The following SLC13A1 variants were observed in gnomAD, a reference collection of about 807,000 sequenced individuals.
The protein encoded by SLC13A1 is solute carrier family 13 member 1.
SLC13A1 carries 65 observed loss-of-function variants against 70.0 expected under a neutral mutation model. The ratio of observed to expected loss-of-function variants is 0.93; its 90% CI spans 0.76 to 1.14. The LOEUF (loss-of-function observed/expected upper bound fraction) is 1.14, where lower values mean the gene tolerates loss of function less well. SLC13A1 is among the 50% of genes most tolerant of loss of function. The pLI, the probability that SLC13A1 is intolerant of heterozygous loss-of-function variation, is 0.00. For missense variants in SLC13A1, 726 were observed against 717.8 expected (o/e 1.01, Z -0.13); for synonymous variants, 275 against 250.5 (o/e 1.10, Z -0.92).
chr7:123,163,899 AATTT>A (rs1209348862), intron 6 of SLC13A1, among the ~76,000 whole-genome samples: 11 of 152,006 alleles, frequency 7.2e-5, no homozygotes, highest in African/African-American at 9.7e-5. Flanking sequence ...AATATTACTG[AATTT>A]ATTTATTCAA....
intron 6 of SLC13A1, among the ~76,000 whole-genome samples, chr7:123,157,290 G>A (rs1385782905): frequency 2.0e-5 from 3 of 151,798 alleles, no homozygotes; most frequent in Non-Finnish European, 2.9e-5. Flanking sequence ...TGAAGTTATC[G>A]GTAAGACTCT....
chr7:123,171,356 T>G (rs1231070267), intron 3 of SLC13A1, among the ~76,000 whole-genome samples: 2 of 152,190 alleles, frequency 1.3e-5, no homozygotes, highest in Non-Finnish European at 2.9e-5. Context: ...GTCTTTGTCT[T>G]TGGTTTGTAA....
chr7:123,146,435 C>T (rs2116411228), intron 7 of SLC13A1, among the ~76,000 whole-genome samples: 1 of 152,240 alleles, frequency 6.6e-6, no homozygotes, highest in African/African-American at 2.4e-5. Context: ...TGAGGCACGA[C>T]AATCACTTGG....
chr7:123,124,579 A>G (rs1258479479), intron 11 of SLC13A1, among the ~76,000 whole-genome samples: 3 of 152,160 alleles, frequency 2.0e-5, no homozygotes, highest in Non-Finnish European at 4.4e-5. Context: ...TTTCCAGACA[A>G]TTACAAATTA....
intron 2 of SLC13A1, among the ~76,000 whole-genome samples, chr7:123,178,031 C>CTA (rs926342634): frequency 8.1e-5 from 12 of 148,538 alleles, no homozygotes; most frequent in East Asian, 1.9e-4. Flanking sequence ...CTCTCTCTCT[C>CTA]TCTATATATA....
rs2116315017 is a variant in SLC13A1 at position 123,129,366 on chromosome 7, GTGTGTGTT to G, written c.1031+9_1031+16del. The G allele has an allele frequency of 4.1e-6, 4 of 978,656 alleles. No individual in the cohort carries two copies. Among genetic ancestry groups the G allele is most frequent in the Non-Finnish European group, 6.0e-6 (4 of 666,354 alleles). 60.6% of individuals were successfully genotyped at this position (978,656 alleles called of 1,614,324 possible). ...TGTGTGTGTGTGTGTGTGTGTGTGTGTGTGTGTTTGTCTTACCTTATTGGCCCAAGCTT... is the reference window on the plus strand; with the variant it reads ...TGTGTGTGTGTGTGTGTGTGTGTGTGTGTCTTACCTTATTGGCCCAAGCTT... On this transcript the variant is annotated intron_variant, in intron 9 of 14. Coordinates refer to ENST00000194130, the MANE Select transcript of SLC13A1 (RefSeq NM_022444.4).
chr7:123,190,442 A>G lies in SLC13A1; in HGVS notation c.100-9341T>C, dbSNP rs771154624. 2.9e-4 allele frequency: 112 copies of G among 381,136 alleles called. 2 individuals carry two copies. In the Middle Eastern group the frequency reaches 0.015, roughly 51 times the overall value. The allele number at this position is 381,136 out of a possible 1,614,324, so 23.6% of individuals were successfully genotyped here. A position where few individuals can be genotyped will look rare whatever the true frequency, so the allele number is the denominator to read the frequency against. On this transcript the variant is annotated intron_variant, in intron 1 of 14. Coordinates refer to ENST00000194130, the MANE Select transcript of SLC13A1 (RefSeq NM_022444.4). ...TGTTTAAACTCCCTTTATGAGAGAAATGGCTGGTAACTCACCTGGGCTGAG... is the reference window on the plus strand; with the variant it reads ...TGTTTAAACTCCCTTTATGAGAGAAGTGGCTGGTAACTCACCTGGGCTGAG...
At chr7:123,138,885 T>C (rs1175866634) in intron 7 of SLC13A1, among the ~76,000 whole-genome samples, 1 of 152,172 alleles carries the variant, frequency 6.6e-6, no homozygotes, top group African/African-American at 2.4e-5. Context: ...ATGTTGTTGA[T>C]TGTTTCCTTT....
At position 123,127,892 on chromosome 7, in the gene SLC13A1, CAAGT is replaced by C. The variant is rs148530529; in HGVS notation, c.1133+949_1133+952del. Among the ~76,000 whole-genome samples the C allele has an allele frequency of 2.5e-3, 336 of 136,510 alleles. 1 individual carries two copies. The highest frequency in any genetic ancestry group is 8.9e-3 in the African/African-American group (312 of 35,236). The allele number at this position is 136,510 out of a possible 152,430, so 89.6% of individuals were successfully genotyped here. A position where few individuals can be genotyped will look rare whatever the true frequency, so the allele number is the denominator to read the frequency against. On this transcript the variant is annotated intron_variant, in intron 10 of 14. Coordinates refer to ENST00000194130, the MANE Select transcript of SLC13A1 (RefSeq NM_022444.4). ...GCTGGGGGATTTGAGACAGGAAGTC[CAAGT>C]AAGACATGTGCTGAATTTAGAAATT...
rs1481946372 is a variant in SLC13A1, at chr7:123,169,186, T to C, written c.515A>G (p.Tyr172Cys). The C allele has an allele frequency of 6.2e-7, 1 of 1,614,068 alleles. No homozygotes were observed. The highest frequency in any genetic ancestry group is 8.5e-7 in the Non-Finnish European group (1 of 1,179,974). ...TCCGTGGTTGGTTGATCCGTTGAAG[T>C]AAGTCATCTGAGTGGCCTCGACCTC... ...EAEVEATQMT[Y>C]FNGSTNHGLE... Residue 172 changes from tyrosine (Y) to cysteine (C), a missense_variant, in exon 4 of 15, where the codon TAC becomes TGC. By Grantham distance (194) the Tyr-to-Cys change is radical. Transcript: ENST00000194130.
At chr7:123,191,237 G>C (rs577804734) in intron 1 of SLC13A1, among the ~76,000 whole-genome samples, 2 of 152,094 alleles carry the variant, frequency 1.3e-5, no homozygotes, top group African/African-American at 4.8e-5. Context: ...GGGTAGTATG[G>C]GTGAGGTCTT....
intron 2 of SLC13A1, 149 bp from the exon 3 acceptor site, chr7:123,172,053 C>T: frequency 2.8e-6 from 2 of 708,702 alleles, no homozygotes; most frequent in Middle Eastern, 8.2e-4. Flanking sequence ...TGTTTGAATA[C>T]AAATTTAGAC....
At chr7:123,140,928 ACT>A (rs1794114301) in intron 7 of SLC13A1, among the ~76,000 whole-genome samples, 1 of 151,536 alleles carries the variant, frequency 6.6e-6, no homozygotes, top group Non-Finnish European at 1.5e-5. Flanking sequence ...ACTTAATTCT[ACT>A]CTGATATTTT....
chr7:123,177,217 C>T (rs1465815413), intron 2 of SLC13A1, among the ~76,000 whole-genome samples: 1 of 152,090 alleles, frequency 6.6e-6, no homozygotes, highest in African/African-American at 2.4e-5. Flanking sequence ...GCATCTTTGA[C>T]ACTTTTCTTC....
At chr7:123,190,612 A>G in intron 1 of SLC13A1, 1 of 456,710 alleles carries the variant, frequency 2.2e-6, no homozygotes, top group Non-Finnish European at 4.4e-6. Flanking sequence ...AGTCAGAATA[A>G]GCTGTTGAGC....
intron 2 of SLC13A1, among the ~76,000 whole-genome samples, chr7:123,180,379 T>C (rs1795598482): frequency 6.6e-6 from 1 of 152,148 alleles, no homozygotes; most frequent in Admixed American, 6.6e-5. Flanking sequence ...AGCTGTGGTT[T>C]AGACAGTTGT....
At chr7:123,164,904 ATT>A (rs35310053) in intron 6 of SLC13A1, among the ~76,000 whole-genome samples, 9 of 149,664 alleles carry the variant, frequency 6.0e-5, no homozygotes, top group Non-Finnish European at 1.2e-4. Flanking sequence ...TAATATTTGT[ATT>A]TTTTTTTTGA....
At chr7:123,191,393 A>G in intron 1 of SLC13A1, among the ~76,000 whole-genome samples, 1 of 152,114 alleles carries the variant, frequency 6.6e-6, no homozygotes, top group East Asian at 1.9e-4. Flanking sequence ...CCTGAATGGC[A>G]TGGGAGTGCT....
chr7:123,124,689 CTGTGTGTG>C (rs143632506), intron 11 of SLC13A1, among the ~76,000 whole-genome samples: 1 of 150,134 alleles, frequency 6.7e-6, no homozygotes, highest in Non-Finnish European at 1.5e-5. Flanking sequence ...GTGTGTGTGT[CTGTGTGTG>C]TGTGTGTGTG....
Sources: gnomAD v4.1 joint callset for allele counts (sites outside exome capture counted in the v4.1 genomes callset) on GRCh38, gnomAD v4.1.1 for gene constraint, MANE v1.5 for transcripts, NCBI Gene and HGNC (gene_info 2026-07-23, HGNC 2026-07-21) for gene names.